Variants in DGKI observed in about 807,000 individuals in gnomAD.
DGKI encodes the protein DAG kinase iota.
Under a neutral mutation model 147.5 loss-of-function variants are expected in DGKI, and 55 were observed. That is an observed-to-expected ratio of 0.37 (90% CI 0.30 to 0.47). DGKI has a LOEUF of 0.47. Ranked by LOEUF, DGKI falls within the 20% of genes least tolerant of loss-of-function variation. DGKI has a pLI of 1.00. For missense variants in DGKI, 1,007 were observed against 1,323.8 expected (o/e 0.76, Z 3.71); for synonymous variants, 469 against 477.1 (o/e 0.98, Z 0.22).
chr7:137,607,230 C>T (rs1322874576), intron 10 of DGKI, among the ~76,000 whole-genome samples: 1 of 152,236 alleles, frequency 6.6e-6, no homozygotes, highest in African/African-American at 2.4e-5. Flanking sequence ...CAAGTCACTG[C>T]TTACCTCTGA....
At chr7:137,839,256 G>A (rs977049250) in intron 1 of DGKI, among the ~76,000 whole-genome samples, 1 of 152,122 alleles carries the variant, frequency 6.6e-6, no homozygotes, top group Admixed American at 6.5e-5. Context: ...AATGAATTGT[G>A]TTTTAATAAG....
At chr7:137,842,170 C>T (rs1241924744) in intron 1 of DGKI, among the ~76,000 whole-genome samples, 1 of 152,138 alleles carries the variant, frequency 6.6e-6, no homozygotes, top group Non-Finnish European at 1.5e-5. Context: ...AATGGATTTA[C>T]AAAAGAGGAT....
At chr7:137,412,324 A>G in intron 28 of DGKI, 117 bp from the exon 29 acceptor site, 2 of 976,772 alleles carry the variant, frequency 2.0e-6, no homozygotes, top group South Asian at 2.7e-5. Flanking sequence ...GAATCAGGGA[A>G]GGAAAATATC....
intron 1 of DGKI, among the ~76,000 whole-genome samples, chr7:137,717,086 C>T (rs552383269): frequency 3.7e-4 from 56 of 152,330 alleles, no homozygotes; most frequent in Non-Finnish European, 6.6e-4. Flanking sequence ...GACAGAGACT[C>T]TGTCTTACTT....
At chr7:137,613,326 A>G (rs1349682942) in intron 8 of DGKI, among the ~76,000 whole-genome samples, 1 of 152,144 alleles carries the variant, frequency 6.6e-6, no homozygotes, top group African/African-American at 2.4e-5. Flanking sequence ...CTGGGCTCCC[A>G]TTGTGCCAGG....
chr7:137,400,913 C>T (rs1226870599), intron 30 of DGKI, among the ~76,000 whole-genome samples: 1 of 152,322 alleles, frequency 6.6e-6, no homozygotes, highest in East Asian at 1.9e-4. Context: ...CAGCTGACTA[C>T]AGATGGGAAT....
intron 21 of DGKI, among the ~76,000 whole-genome samples, chr7:137,513,418 C>A (rs1220009160): frequency 6.6e-6 from 1 of 152,162 alleles, no homozygotes; most frequent in Non-Finnish European, 1.5e-5. Context: ...GCTGTATTAT[C>A]TTACAAATTA....
At chr7:137,768,047 T>C (rs1796072648) in intron 1 of DGKI, among the ~76,000 whole-genome samples, 1 of 152,140 alleles carries the variant, frequency 6.6e-6, no homozygotes, top group East Asian at 1.9e-4. Context: ...ACAAATAATC[T>C]GATCATGAGT....
intron 10 of DGKI, among the ~76,000 whole-genome samples, chr7:137,602,562 A>G (rs1820031283): frequency 6.6e-6 from 1 of 152,210 alleles, no homozygotes; most frequent in African/African-American, 2.4e-5. Context: ...ATCTAAAAGA[A>G]AGCGTTGAAA....
intron 1 of DGKI, among the ~76,000 whole-genome samples, chr7:137,794,193 T>A (rs1796955059): frequency 6.6e-6 from 1 of 152,206 alleles, no homozygotes; most frequent in African/African-American, 2.4e-5. Flanking sequence ...TGTTCTTTCA[T>A]CTGCATGACA....
chr7:137,676,266 T>C (rs1435390316), intron 3 of DGKI, among the ~76,000 whole-genome samples: 1 of 152,236 alleles, frequency 6.6e-6, no homozygotes, highest in Non-Finnish European at 1.5e-5. Context: ...GCTAATTTAA[T>C]AGGCACATGA....
At chr7:137,715,045 C>T (rs1794335804) in intron 1 of DGKI, among the ~76,000 whole-genome samples, 1 of 152,204 alleles carries the variant, frequency 6.6e-6, no homozygotes, top group Admixed American at 6.5e-5. Flanking sequence ...AAGGACTACA[C>T]TGAATCTTCT....
intron 12 of DGKI, among the ~76,000 whole-genome samples, chr7:137,587,751 C>T (rs1173523200): frequency 6.6e-6 from 1 of 152,144 alleles, no homozygotes; most frequent in Non-Finnish European, 1.5e-5. Context: ...AATGGTTGCC[C>T]TCTATAGTAT....
At position 137,846,745 on chromosome 7, in the gene DGKI, C is replaced by T; in HGVS notation, c.118G>A (p.Ala40Thr). 9.9e-7 allele frequency: 1 copy of T among 1,013,376 alleles called. No homozygotes were observed. The highest frequency in any genetic ancestry group is 1.2e-6 in the Non-Finnish European group (1 of 850,972). 62.8% of individuals were successfully genotyped at this position (1,013,376 alleles called of 1,614,324 possible). A position where few individuals can be genotyped will look rare whatever the true frequency, so the allele number is the denominator to read the frequency against. Residue 40 changes from alanine (A) to threonine (T), a missense_variant, in exon 1 of 33, where the codon GCC (alanine) becomes ACC (threonine). By Grantham distance (58) the Ala-to-Thr change is moderately conservative (BLOSUM62 0). Transcript: ENST00000614521. This position sits in a 1 kb window ranked among gnomAD's most constrained non-coding sequence, Gnocchi z 4.0. ...AASPPGPCSG[A>T]ACAPSAAAGA... Reference sequence around the variant, plus strand: ...GCGGCCGCGGAGGGAGCGCAGGCGGCGCCGCTGCAGGGGCCGGGCGGGCTG... The same window carrying T: ...GCGGCCGCGGAGGGAGCGCAGGCGGTGCCGCTGCAGGGGCCGGGCGGGCTG...
intron 30 of DGKI, among the ~76,000 whole-genome samples, chr7:137,401,250 A>G (rs1214003233): frequency 6.6e-6 from 1 of 152,054 alleles, no homozygotes; most frequent in Non-Finnish European, 1.5e-5. Flanking sequence ...AATAAAGACT[A>G]GTCAGGCACG....
chr7:137,593,771 T>C (rs553795814), intron 12 of DGKI, among the ~76,000 whole-genome samples: 124 of 152,368 alleles, frequency 8.1e-4, no homozygotes, highest in African/African-American at 3.0e-3. Context: ...TATTATAAAC[T>C]AATTTCACCT....
At chr7:137,746,925 G>A (rs1795354878) in intron 1 of DGKI, among the ~76,000 whole-genome samples, 1 of 152,036 alleles carries the variant, frequency 6.6e-6, no homozygotes, top group South Asian at 2.1e-4. Flanking sequence ...AGTTAGCCTG[G>A]GGCAAGATGA....
intron 2 of DGKI, among the ~76,000 whole-genome samples, chr7:137,679,668 C>A (rs1823163039): frequency 6.6e-6 from 1 of 151,902 alleles, no homozygotes; most frequent in South Asian, 2.1e-4. Context: ...ATGGGGGATA[C>A]TATGGACTAA....
intron 2 of DGKI, among the ~76,000 whole-genome samples, chr7:137,679,632 T>G (rs1224216236): frequency 6.6e-6 from 1 of 152,120 alleles, no homozygotes; most frequent in Non-Finnish European, 1.5e-5. Flanking sequence ...ATTCATCAGA[T>G]GTACATGGGC....
Sources: allele counts gnomAD v4.1 joint callset (sites outside exome capture counted in the v4.1 genomes callset), GRCh38; gene constraint gnomAD v4.1.1; non-coding constraint Gnocchi (gnomAD v3.1); transcripts MANE v1.5; gene names NCBI Gene and HGNC (gene_info 2026-07-23, HGNC 2026-07-21).